Variants in LARGE1 observed in about 807,000 individuals in gnomAD.
LARGE1 encodes xylosyl- and glucuronyltransferase LARGE1.
A neutral mutation model predicts 87.6 loss-of-function variants in LARGE1; 43 were observed. That is an observed-to-expected ratio of 0.49 (90% CI 0.38 to 0.63). The LOEUF is 0.63. Among genes scored for constraint, LARGE1 ranks in the 30% least tolerant of loss-of-function variants. The pLI, the probability that LARGE1 is intolerant of heterozygous loss-of-function variation, is 0.00. For missense variants in LARGE1, 802 were observed against 1,000.2 expected, an observed-to-expected ratio of 0.80 and a Z score of 2.67; for synonymous variants, 434 against 394.6, an observed-to-expected ratio of 1.10 and a Z score of -1.18.
chr22:33,357,318 G>C (rs1199052337), intron 9 of LARGE1, among the ~76,000 whole-genome samples: 1 of 151,294 alleles, frequency 6.6e-6, no homozygotes, highest in Non-Finnish European at 1.5e-5. Flanking sequence ...CATGGACAAA[G>C]AGCATGGAAT....
At chr22:33,477,969 T>C (rs2069151756) in intron 6 of LARGE1, among the ~76,000 whole-genome samples, 1 of 152,170 alleles carries the variant, frequency 6.6e-6, no homozygotes, top group Non-Finnish European at 1.5e-5. Flanking sequence ...ACTCCTTCCT[T>C]TTCCTGGAAG....
chr22:33,115,783 C>G, the LARGE1 span, among the ~76,000 whole-genome samples: 1 of 144,050 alleles, frequency 6.9e-6, no homozygotes, highest in African/African-American at 2.6e-5. Context: ...CACCACTGCA[C>G]TCCAGCCTGG....
chr22:33,854,976 C>CAG (rs201773558), intron 1 of LARGE1, among the ~76,000 whole-genome samples: 116 of 152,060 alleles, frequency 7.6e-4, no homozygotes, highest in African/African-American at 2.6e-3. Context: ...AGGCATTCAG[C>CAG]AGAGAGAGAG....
At chr22:33,168,819 A>G (rs926948546) in intron 11 of LARGE1, among the ~76,000 whole-genome samples, 2 of 152,194 alleles carry the variant, frequency 1.3e-5, no homozygotes, top group Non-Finnish European at 2.9e-5. Flanking sequence ...TAATATCTAC[A>G]TCAAATATAC....
At chr22:33,297,249 C>T (rs867930790) in intron 12 of LARGE1, among the ~76,000 whole-genome samples, 36 of 152,246 alleles carry the variant, frequency 2.4e-4, no homozygotes, top group African/African-American at 8.4e-4. Context: ...AGAAAAGAGT[C>T]GAACAGAAAT....
Position 33,378,395 on chromosome 22 carries a change from G to A in LARGE1, c.1131+3524C>T, listed in dbSNP as rs111518129. On this transcript the variant is annotated intron_variant, in intron 9 of 14. Coordinates refer to ENST00000397394, the MANE Select transcript of LARGE1 (RefSeq NM_133642.5). Reference sequence around the variant, plus strand: ...TTCTACACTCTGAGTTTTATTAACTGTTTATCCGCTGAGGATAATACTCTT... The same window carrying A: ...TTCTACACTCTGAGTTTTATTAACTATTTATCCGCTGAGGATAATACTCTT... Among the ~76,000 whole-genome samples the A allele has an allele frequency of 5.2e-3, 786 of 152,228 alleles. 9 individuals are homozygous for A. The highest frequency in any genetic ancestry group is 0.018 in the African/African-American group (745 of 41,542).
intron 11 of LARGE1, among the ~76,000 whole-genome samples, chr22:33,200,381 C>T (rs1215779096): frequency 1.3e-5 from 2 of 152,122 alleles, no homozygotes; most frequent in Non-Finnish European, 2.9e-5. Context: ...AACCCTCGTA[C>T]GTCGCTGGTG....
chr22:33,762,213 C>CAAAAAAAAAAAAAAAAAA (rs56832457), intron 1 of LARGE1, among the ~76,000 whole-genome samples: 2 of 84,460 alleles, frequency 2.4e-5, no homozygotes, highest in African/African-American at 5.1e-5. Context: ...GATTCTATCT[C>CAAAAAAAAAAAAAAAAAA]AAAAAAAAAA....
intron 7 of LARGE1, among the ~76,000 whole-genome samples, chr22:33,411,012 A>C (rs966903567): frequency 6.6e-6 from 1 of 152,214 alleles, no homozygotes; most frequent in African/African-American, 2.4e-5. Flanking sequence ...ATTTTCCTTA[A>C]GTCAGGAAGA....
chr22:33,419,182 C>T (rs1201677511), intron 7 of LARGE1, among the ~76,000 whole-genome samples: 2 of 151,986 alleles, frequency 1.3e-5, no homozygotes, highest in African/African-American at 2.4e-5. Flanking sequence ...AAATCGCCAC[C>T]TTAAAAAACC....
At chr22:33,464,315 A>G (rs1038440336) in intron 6 of LARGE1, among the ~76,000 whole-genome samples, 1 of 152,222 alleles carries the variant, frequency 6.6e-6, no homozygotes, top group African/African-American at 2.4e-5. Context: ...TTATGACCCC[A>G]GGTTTTGGTT....
intron 11 of LARGE1, among the ~76,000 whole-genome samples, chr22:33,183,361 C>T (rs1343460378): frequency 6.6e-6 from 1 of 151,838 alleles, no homozygotes; most frequent in African/African-American, 2.4e-5. Context: ...AAAAGGAAAC[C>T]CTATACACTG....
At chr22:33,609,023 CT>C (rs2079347614) in intron 4 of LARGE1, among the ~76,000 whole-genome samples, 1 of 152,142 alleles carries the variant, frequency 6.6e-6, no homozygotes, top group Non-Finnish European at 1.5e-5. Context: ...TTCTCTACTA[CT>C]TTTGCATCGC....
At position 33,431,518 on chromosome 22, in the gene LARGE1, G is replaced by C. The variant is rs140035363; in HGVS notation, c.892+643C>G. Reference sequence around the variant, plus strand: ...TGCCAGGCACATGTGGTCCTCAAAAGTGCTGATTAGCAAATATATCTGCTT... The same window carrying C: ...TGCCAGGCACATGTGGTCCTCAAAACTGCTGATTAGCAAATATATCTGCTT... On this transcript the variant is annotated intron_variant, in intron 7 of 14. Transcript: ENST00000397394. Among the ~76,000 whole-genome samples the C allele has an allele frequency of 4.1e-3, 618 of 152,192 alleles. 3 individuals carry two copies. Among genetic ancestry groups the C allele is most frequent in the Middle Eastern group, 0.037 (11 of 294 alleles).
At chr22:33,418,834 T>C (rs1333810352) in intron 7 of LARGE1, among the ~76,000 whole-genome samples, 2 of 152,134 alleles carry the variant, frequency 1.3e-5, no homozygotes, top group African/African-American at 4.8e-5. Flanking sequence ...GTGCTAGTGG[T>C]GATCTTCAGG....
intron 1 of LARGE1, among the ~76,000 whole-genome samples, chr22:33,801,732 G>A (rs1019045335): frequency 6.6e-6 from 1 of 152,108 alleles, no homozygotes; most frequent in African/African-American, 2.4e-5. Flanking sequence ...TTTGTTTTAC[G>A]AATTGTGCTT....
At position 33,186,970 on chromosome 22, in the gene LARGE1, T is replaced by A. The variant is rs1021736312; in HGVS notation, c.1731-20138A>T. The stretch of plus-strand genomic sequence containing the variant: ...AGCAACATGGTGGGTTCATGAATTA[T>A]GTATCCTGTCTCCATTAGTGTCAGA... On this transcript the variant is annotated intron_variant, in intron 11 of 11. Transcript: ENST00000608642. Among the ~76,000 whole-genome samples the A allele has an allele frequency of 3.3e-5, 5 of 152,230 alleles. No homozygotes were observed. The East Asian group carries it at 9.6e-4, about 29-fold the overall frequency.
At chr22:33,412,473 G>T (rs78478640) in intron 7 of LARGE1, among the ~76,000 whole-genome samples, 53 of 152,182 alleles carry the variant, frequency 3.5e-4, no homozygotes, top group African/African-American at 1.3e-3. Flanking sequence ...ATGAAGGGAT[G>T]TGCAGCACGA....
intron 6 of LARGE1, among the ~76,000 whole-genome samples, chr22:33,517,105 G>A (rs1032609569): frequency 3.9e-5 from 6 of 152,192 alleles, no homozygotes; most frequent in Admixed American, 3.9e-4. Context: ...GAAGCAGCAT[G>A]TGGCATTTTT....
Sources: allele counts gnomAD v4.1 joint callset (sites outside exome capture counted in the v4.1 genomes callset), GRCh38; gene constraint gnomAD v4.1.1; transcripts MANE v1.5; gene names NCBI Gene and HGNC (gene_info 2026-07-23, HGNC 2026-07-21).